The following ADA2 variants were observed in gnomAD, a reference collection of about 807,000 sequenced individuals.
ADA2 encodes adenosine deaminase 2.
In ADA2, 29 loss-of-function variants were observed where a neutral mutation model predicts 44.2. The observed-to-expected ratio is 0.66, with a 90% CI of 0.49 to 0.89. ADA2 has a LOEUF of 0.89. Among genes scored for constraint, ADA2 ranks in the 40% least tolerant of loss-of-function variants. ADA2 has a pLI of 0.00. For synonymous variants in ADA2, 215 were observed against 234.9 expected, an observed-to-expected ratio of 0.92 and a Z score of 0.77; for missense variants, 637 against 644.8, an observed-to-expected ratio of 0.99 and a Z score of 0.13.
intron 7 of ADA2, among the ~76,000 whole-genome samples, chr22:17,183,454 C>CTATTTTTTTTTTTTTTTTTTTTTTTTTTT (rs1568967612): frequency 1.3e-5 from 1 of 76,138 alleles, no homozygotes; most frequent in Non-Finnish European, 2.7e-5. Context: ...TTTTGTGGCA[C>CTATTTTTTTTTTTTTTTTTTTTTTTTTTT]TCTTTTTTTT....
At chr22:17,202,062 C>G (rs765891143) in intron 4 of ADA2, among the ~76,000 whole-genome samples, 5 of 149,684 alleles carry the variant, frequency 3.3e-5, no homozygotes, top group Non-Finnish European at 7.4e-5. Context: ...AGCTCCTCCC[C>G]CTGGGTTCAA....
intron 1 of ADA2, chr22:17,214,039 CAA>C (rs35502604): frequency 0.051 from 14,409 of 280,290 alleles, 1 homozygote; most frequent in South Asian, 0.079. Flanking sequence ...AACTCTGTCT[CAA>C]AAAAAAAAAA....
chr22:17,211,932 A>C (rs2062423036), intron 1 of ADA2, among the ~76,000 whole-genome samples: 1 of 152,066 alleles, frequency 6.6e-6, no homozygotes, highest in Admixed American at 6.6e-5. Context: ...GTCTCAAAAA[A>C]AGAGGAAAAA....
intron 4 of ADA2, chr22:17,199,504 C>T (rs1180497297): frequency 6.8e-7 from 1 of 1,477,638 alleles, no homozygotes; most frequent in Middle Eastern, 1.8e-4. Context: ...CACTCCCACA[C>T]CAAGACAGTT....
At chr22:17,210,181 C>T (rs2062404115) in intron 1 of ADA2, among the ~76,000 whole-genome samples, 1 of 144,046 alleles carries the variant, frequency 6.9e-6, no homozygotes. Flanking sequence ...TGAGCCACTG[C>T]ACCACCTGGC....
At chr22:17,204,774 C>A (rs2062334262) in intron 3 of ADA2, among the ~76,000 whole-genome samples, 1 of 150,450 alleles carries the variant, frequency 6.6e-6, no homozygotes, top group South Asian at 2.1e-4. Flanking sequence ...CCTCCAGAAC[C>A]ATGAGAAAAT....
At chr22:17,201,967 C>CTTTTTT (rs71200247) in intron 4 of ADA2, among the ~76,000 whole-genome samples, 190 of 103,050 alleles carry the variant, frequency 1.8e-3, no homozygotes, top group East Asian at 4.3e-3. Flanking sequence ...TTTCTTTTTT[C>CTTTTTT]TTTTTTTTTT....
At chr22:17,210,026 G>T in intron 1 of ADA2, 1 of 227,216 alleles carries the variant, frequency 4.4e-6, no homozygotes. Context: ...GAGTAGCTGG[G>T]ACTACAGGTG....
chr22:17,202,773 CTT>C (rs1555886608), intron 4 of ADA2, among the ~76,000 whole-genome samples: 1 of 132,656 alleles, frequency 7.5e-6, no homozygotes, highest in Non-Finnish European at 1.7e-5. Flanking sequence ...TCCTTTCTTT[CTT>C]TTTTTTTTTG....
At chr22:17,185,719 C>G (rs1016188410) in intron 7 of ADA2, among the ~76,000 whole-genome samples, 1 of 152,188 alleles carries the variant, frequency 6.6e-6, no homozygotes, top group South Asian at 2.1e-4. Flanking sequence ...TAAATTGACT[C>G]GAAATGTCAG....
At chr22:17,199,850 G>C in intron 4 of ADA2, 1 of 975,208 alleles carries the variant, frequency 1.0e-6, no homozygotes, top group Non-Finnish European at 1.4e-6. Flanking sequence ...AGGCCGACGT[G>C]GGTGTATTTG....
At chr22:17,187,126 C>T (rs2062044539) in intron 7 of ADA2, among the ~76,000 whole-genome samples, 1 of 148,484 alleles carries the variant, frequency 6.7e-6, no homozygotes, top group Admixed American at 6.8e-5. Context: ...GAGATCATAC[C>T]ACTGCACTCC....
chr22:17,182,054 ACTCT>A, intron 8 of ADA2, 32 bp from the exon 9 acceptor site: 2 of 1,554,554 alleles, frequency 1.3e-6, no homozygotes, highest in Non-Finnish European at 1.8e-6. Context: ...AGAAAGATGA[ACTCT>A]GATCCCTAAA....
At chr22:17,183,820 A>G (rs2062002810) in intron 7 of ADA2, among the ~76,000 whole-genome samples, 1 of 151,918 alleles carries the variant, frequency 6.6e-6, no homozygotes. Context: ...CTTATTGACA[A>G]CATCAGTATA....
At chr22:17,197,244 C>CTTTTTTTCTTTCTTTCT (rs1263202292) in intron 4 of ADA2, among the ~76,000 whole-genome samples, 3 of 151,106 alleles carry the variant, frequency 2.0e-5, no homozygotes, top group East Asian at 3.9e-4. Context: ...CTCGCAATTT[C>CTTTTTTTCTTTCTTTCT]TTTTTTTCTT....
chr22:17,181,360 C>A lies in ADA2; in HGVS notation c.*123G>T, dbSNP rs973746712. 4 of 713,974 alleles carry A rather than the reference C, an allele frequency of 5.6e-6. No homozygotes were observed. The African/African-American group carries it at 7.0e-5, about 12-fold the overall frequency. The allele number at this position is 713,974 out of a possible 1,614,324, so 44.2% of individuals were successfully genotyped here. A position where few individuals can be genotyped will look rare whatever the true frequency, so the allele number is the denominator to read the frequency against. ...TTTGCTCAGCCAGCCAAGTGCTTCT[C>A]ACAGGGTCGCTCCATACAGAGGCCA... On this transcript the variant is annotated 3_prime_UTR_variant, in exon 10 of 10. Coordinates refer to ENST00000399837, the MANE Select transcript of ADA2 (RefSeq NM_001282225.2).
At chr22:17,217,094 G>A (rs937369573) in intron 1 of ADA2, among the ~76,000 whole-genome samples, 5 of 152,002 alleles carry the variant, frequency 3.3e-5, no homozygotes, top group Non-Finnish European at 7.4e-5. Flanking sequence ...CAGCAAAGCC[G>A]AATGTTTAAA....
rs2061945565 is a variant in ADA2 at position 17,179,529 on chromosome 22, AAAAC to A, written c.*1950_*1953del. 1 of 152,318 alleles carries A rather than the reference AAAAC, an allele frequency of 6.6e-6. No individual in the cohort carries two copies. The highest frequency in any genetic ancestry group is 2.1e-4 in the South Asian group (1 of 4,838). 9.4% of individuals were successfully genotyped at this position (152,318 alleles called of 1,614,324 possible). On this transcript the variant is annotated 3_prime_UTR_variant, in exon 10 of 10. Coordinates refer to ENST00000399837, the MANE Select transcript of ADA2 (RefSeq NM_001282225.2). ...CTGAGAGAAACAGGGCGAGCACAGG[AAAAC>A]CTCTCTGAGACAGTGACATGAACTT...
intron 7 of ADA2, 70 bp downstream of exon 7, chr22:17,188,269 C>T: frequency 2.7e-6 from 3 of 1,123,474 alleles, no homozygotes; most frequent in South Asian, 2.6e-5. Flanking sequence ...AACCCTGAGG[C>T]ATGGGCCTGT....
Sources: gnomAD v4.1 joint callset for allele counts (sites outside exome capture counted in the v4.1 genomes callset) on GRCh38, gnomAD v4.1.1 for gene constraint, MANE v1.5 for transcripts, NCBI Gene and HGNC (gene_info 2026-07-23, HGNC 2026-07-21) for gene names.